The following NKAIN2 variants were observed in gnomAD, a reference collection of about 807,000 sequenced individuals.
The protein encoded by NKAIN2 is sodium/potassium-transporting ATPase subunit beta-1-interacting protein 2.
In NKAIN2, 14 loss-of-function variants were observed where a neutral mutation model predicts 32.6. That is an observed-to-expected ratio of 0.43 (90% CI 0.28 to 0.67). The LOEUF (loss-of-function observed/expected upper bound fraction) is 0.67, where lower values mean the gene tolerates loss of function less well. Among genes scored for constraint, NKAIN2 ranks in the 30% least tolerant of loss-of-function variants. The probability of loss-of-function intolerance (pLI) is 0.17; values close to 1 mark genes in which losing one functional copy is unlikely to be tolerated. For synonymous variants in NKAIN2, 80 were observed against 87.2 expected (o/e 0.92, Z 0.46); for missense variants, 198 against 258.3 (o/e 0.77, Z 1.60).
chr6:123,917,357 T>TA (rs1582775446), intron 1 of NKAIN2, among the ~76,000 whole-genome samples: 2 of 152,188 alleles, frequency 1.3e-5, no homozygotes, highest in East Asian at 3.9e-4. Flanking sequence ...TTTTTTGAAG[T>TA]TGGTATAAAA....
chr6:124,302,423 T>TTAC (rs1374287122), intron 2 of NKAIN2, among the ~76,000 whole-genome samples: 1 of 152,224 alleles, frequency 6.6e-6, no homozygotes, highest in Non-Finnish European at 1.5e-5. Context: ...ATTTTAAGTA[T>TTAC]TACAATAAAG....
At chr6:124,142,574 T>C (rs891536658) in intron 1 of NKAIN2, among the ~76,000 whole-genome samples, 2 of 152,188 alleles carry the variant, frequency 1.3e-5, no homozygotes, top group Non-Finnish European at 2.9e-5. Flanking sequence ...AAACACGCAG[T>C]TGGATAGCAA....
intron 2 of NKAIN2, among the ~76,000 whole-genome samples, chr6:124,329,822 T>C (rs910626982): frequency 3.3e-5 from 5 of 152,204 alleles, no homozygotes; most frequent in Non-Finnish European, 5.9e-5. Context: ...TACTATAAAG[T>C]ATGTCTCTAG....
intron 3 of NKAIN2, among the ~76,000 whole-genome samples, chr6:124,642,775 T>G (rs1429913246): frequency 6.6e-6 from 1 of 152,194 alleles, no homozygotes; most frequent in Non-Finnish European, 1.5e-5. Context: ...GGGTATGTTT[T>G]GTTTGTTAAA....
At chr6:123,894,798 C>T (rs1182865782) in intron 1 of NKAIN2, among the ~76,000 whole-genome samples, 1 of 151,998 alleles carries the variant, frequency 6.6e-6, no homozygotes, top group Non-Finnish European at 1.5e-5. Flanking sequence ...CCCCTGAACT[C>T]AACCTCTAAG....
At chr6:124,740,222 G>C (rs2114686314) in intron 4 of NKAIN2, among the ~76,000 whole-genome samples, 1 of 151,670 alleles carries the variant, frequency 6.6e-6, no homozygotes, top group South Asian at 2.1e-4. Context: ...ATGGTGAGGA[G>C]TCAGGAGTGA....
At chr6:124,226,880 TACAC>T (rs1214334035) in intron 1 of NKAIN2, among the ~76,000 whole-genome samples, 1 of 152,140 alleles carries the variant, frequency 6.6e-6, no homozygotes, top group African/African-American at 2.4e-5. Context: ...ATTTAGCACT[TACAC>T]ACAGGAATCT....
chr6:124,629,972 A>G (rs1477428445), intron 3 of NKAIN2, among the ~76,000 whole-genome samples: 2 of 152,142 alleles, frequency 1.3e-5, no homozygotes, highest in East Asian at 1.9e-4. Flanking sequence ...GCGAAGGACT[A>G]CAAGGCCCAG....
At chr6:124,089,784 G>A (rs758950716) in intron 1 of NKAIN2, among the ~76,000 whole-genome samples, 7 of 151,940 alleles carry the variant, frequency 4.6e-5, no homozygotes, top group East Asian at 3.9e-4. Flanking sequence ...AGGCACTAGC[G>A]TTATCTTGGC....
At chr6:124,359,303 G>A (rs1309200239) in intron 3 of NKAIN2, among the ~76,000 whole-genome samples, 2 of 152,130 alleles carry the variant, frequency 1.3e-5, no homozygotes, top group Non-Finnish European at 2.9e-5. Flanking sequence ...TTCCAATTCT[G>A]TGAAGAAAGT....
intron 1 of NKAIN2, among the ~76,000 whole-genome samples, chr6:124,243,836 T>C (rs187720008): frequency 3.9e-4 from 59 of 152,272 alleles, no homozygotes; most frequent in Admixed American, 6.5e-4. Context: ...GACCACGTTA[T>C]ATACAGGAAA....
At chr6:124,370,484 C>T (rs1799709871) in intron 3 of NKAIN2, among the ~76,000 whole-genome samples, 1 of 151,888 alleles carries the variant, frequency 6.6e-6, no homozygotes, top group Admixed American at 6.6e-5. Flanking sequence ...ATGCAACCTG[C>T]TAGAGGAATG....
intron 3 of NKAIN2, among the ~76,000 whole-genome samples, chr6:124,429,791 G>T (rs1050999094): frequency 1.3e-5 from 2 of 152,134 alleles, no homozygotes; most frequent in Non-Finnish European, 2.9e-5. Context: ...AGCAGCTACT[G>T]CTCCCCTTGC....
At chr6:124,710,565 A>G (rs966427739) in intron 4 of NKAIN2, among the ~76,000 whole-genome samples, 1 of 151,892 alleles carries the variant, frequency 6.6e-6, no homozygotes, top group Non-Finnish European at 1.5e-5. Context: ...TGTTGAATTG[A>G]TCCCTTTACC....
intron 1 of NKAIN2, among the ~76,000 whole-genome samples, chr6:124,218,640 T>G (rs1791614880): frequency 6.6e-6 from 1 of 152,190 alleles, no homozygotes; most frequent in Admixed American, 6.5e-5. Flanking sequence ...GATACTTATT[T>G]TCAGTGAGTT....
chr6:123,924,617 A>G (rs554904417), intron 1 of NKAIN2, among the ~76,000 whole-genome samples: 2 of 152,270 alleles, frequency 1.3e-5, no homozygotes, highest in South Asian at 4.1e-4. Flanking sequence ...GTAGAAAGAG[A>G]ACAGGGATGG....
At chr6:124,150,493 C>G (rs1171672940) in intron 1 of NKAIN2, among the ~76,000 whole-genome samples, 1 of 151,930 alleles carries the variant, frequency 6.6e-6, no homozygotes, top group Non-Finnish European at 1.5e-5. Flanking sequence ...ATGATATTAC[C>G]TGGTGCTCAT....
intron 1 of NKAIN2, among the ~76,000 whole-genome samples, chr6:124,236,225 A>T (rs917034651): frequency 6.6e-6 from 1 of 152,206 alleles, no homozygotes; most frequent in Admixed American, 6.5e-5. Flanking sequence ...AATAAAGTAT[A>T]TGTCTTTTTT....
intron 1 of NKAIN2, among the ~76,000 whole-genome samples, chr6:123,826,275 G>C (rs1320819733): frequency 6.6e-6 from 1 of 152,056 alleles, no homozygotes; most frequent in Non-Finnish European, 1.5e-5. Flanking sequence ...TTTCCAAAAC[G>C]CCATGGGTTT....
Sources: gnomAD v4.1 joint callset for allele counts (sites outside exome capture counted in the v4.1 genomes callset) on GRCh38, gnomAD v4.1.1 for gene constraint, MANE v1.5 for transcripts, NCBI Gene and HGNC (gene_info 2026-07-23, HGNC 2026-07-21) for gene names.